The following ANOS1 variants were observed in gnomAD, a reference collection of about 807,000 sequenced individuals.
ANOS1 encodes anosmin-1.
In ANOS1, 6 loss-of-function variants were observed where a neutral mutation model predicts 59.0. That is an observed-to-expected ratio of 0.10 (90% CI 0.06 to 0.20). The LOEUF (loss-of-function observed/expected upper bound fraction) is 0.20. Among genes scored for constraint, ANOS1 ranks in the 10% least tolerant of loss-of-function variants. The pLI is 1.00. For missense variants in ANOS1, 433 were observed against 542.3 expected (o/e 0.80, Z 2.00); for synonymous variants, 217 against 223.4 (o/e 0.97, Z 0.25).
chrX:8,697,403 T>C (rs921959727), intron 2 of ANOS1, among the ~76,000 whole-genome samples: 1 of 111,370 alleles, frequency 9.0e-6, no homozygotes, highest in Non-Finnish European at 1.9e-5. Flanking sequence ...ATGCCACTTA[T>C]ATGTTTGAAG....
At chrX:8,668,306 C>T (rs1221032479) in intron 2 of ANOS1, among the ~76,000 whole-genome samples, 1 of 104,135 alleles carries the variant, frequency 9.6e-6, no homozygotes, top group Non-Finnish European at 2.0e-5. Flanking sequence ...TCCTGAGTTA[C>T]TTCACTTAGA....
At chrX:8,711,461 T>C (rs761975997) in intron 1 of ANOS1, among the ~76,000 whole-genome samples, 2 of 112,984 alleles carry the variant, frequency 1.8e-5, no homozygotes, top group African/African-American at 6.4e-5. Context: ...TCATCCACCA[T>C]GGGTGGTAAG....
intron 2 of ANOS1, among the ~76,000 whole-genome samples, chrX:8,636,293 C>T (rs2146854647): frequency 8.9e-6 from 1 of 111,734 alleles, no homozygotes; most frequent in African/African-American, 3.3e-5. Flanking sequence ...TCCTTTCTTC[C>T]TGTGCTAATG....
rs1016606239 is a variant in ANOS1, at chrX:8,545,992, G to T, written c.1355-6234C>A. ...AGGAGTTTGAAACCACTTTAGATGG[G>T]TCTATTGAGTTTCATACAGAGGAGA... On this transcript the variant is annotated intron_variant, in intron 9 of 13. Coordinates refer to ENST00000262648, the MANE Select transcript of ANOS1 (RefSeq NM_000216.4). Among the ~76,000 whole-genome samples the T allele has an allele frequency of 6.2e-5, 7 of 112,045 alleles. No homozygotes were observed. The Admixed American group carries it at 6.6e-4, about 11-fold the overall frequency.
intron 3 of ANOS1, among the ~76,000 whole-genome samples, chrX:8,600,855 A>G (rs1199826909): frequency 8.9e-6 from 1 of 112,398 alleles, no homozygotes; most frequent in Non-Finnish European, 1.9e-5. Context: ...AGTTACCAAA[A>G]TCATTGGCCA....
chrX:8,611,355 C>T (rs1365165735), intron 3 of ANOS1, among the ~76,000 whole-genome samples: 2 of 106,837 alleles, frequency 1.9e-5, no homozygotes, highest in Admixed American at 1.0e-4. Context: ...ACCCATGAGA[C>T]AAAATAAGCT....
At chrX:8,712,223 A>G (rs905389265) in intron 1 of ANOS1, among the ~76,000 whole-genome samples, 4 of 111,826 alleles carry the variant, frequency 3.6e-5, no homozygotes, top group African/African-American at 1.3e-4. Context: ...CAGCATTCCA[A>G]CCTTCACATC....
intron 1 of ANOS1, among the ~76,000 whole-genome samples, chrX:8,711,299 G>A (rs1932811042): frequency 8.9e-6 from 1 of 112,506 alleles, no homozygotes; most frequent in Non-Finnish European, 1.9e-5. Context: ...AGCAATTCAA[G>A]TTCAACAGTC....
intron 1 of ANOS1, among the ~76,000 whole-genome samples, chrX:8,720,757 AC>A (rs1259237354): frequency 1.8e-5 from 2 of 110,384 alleles, no homozygotes; most frequent in African/African-American, 3.3e-5. Context: ...AAAAACAAAA[AC>A]AAAAAACTTA....
chrX:8,704,599 A>C (rs1380852401), intron 1 of ANOS1, among the ~76,000 whole-genome samples: 3 of 112,634 alleles, frequency 2.7e-5, no homozygotes, highest in African/African-American at 9.7e-5. Flanking sequence ...TAATCACAAA[A>C]TGAAAAACTC....
chrX:8,686,773 G>A (rs183974779), intron 2 of ANOS1, among the ~76,000 whole-genome samples: 4,759 of 110,753 alleles, frequency 0.043, 268 homozygotes, highest in African/African-American at 0.15. Context: ...CCAACATAGC[G>A]AAACCCCCAC....
rs1400061647 is a variant in ANOS1 at position 8,531,617 on chromosome X, G to A, written c.*1378C>T. 1 of 111,245 alleles carries A rather than the reference G, an allele frequency of 9.0e-6. No homozygotes were observed. The highest frequency in any genetic ancestry group is 3.3e-5 in the African/African-American group (1 of 30,634). The allele number at this position is 111,245 out of a possible 1,213,427, so 9.2% of individuals were successfully genotyped here. A position where few individuals can be genotyped will look rare whatever the true frequency, so the allele number is the denominator to read the frequency against. On this transcript the variant is annotated 3_prime_UTR_variant, in exon 14 of 14. Transcript: ENST00000262648. The stretch of plus-strand genomic sequence containing the variant: ...AAGAGCTGTATCTTTACTCACCATT[G>A]GTGAGCTACGAAAACGATTTCTCCA...
chrX:8,597,262 T>C lies in ANOS1; in HGVS notation c.319-6A>G. The C allele has an allele frequency of 8.4e-7, 1 of 1,191,749 alleles. No homozygotes were observed. Among genetic ancestry groups the C allele is most frequent in the Non-Finnish European group, 1.1e-6 (1 of 878,920 alleles). ...CTCTTCTTGGGGAAGAGAGGCTAAG[T>C]CAAAGAAGAATTTTAAAAAATATTC... On this transcript the variant is annotated splice_region_variant and splice_polypyrimidine_tract_variant and intron_variant, in intron 3 of 13. Coordinates refer to ENST00000262648, the MANE Select transcript of ANOS1 (RefSeq NM_000216.4).
chrX:8,599,402 A>G (rs1355996460), intron 3 of ANOS1, among the ~76,000 whole-genome samples: 1 of 111,373 alleles, frequency 9.0e-6, no homozygotes, highest in Non-Finnish European at 1.9e-5. Context: ...TTGATGCTCC[A>G]CAGTGATCCC....
intron 2 of ANOS1, among the ~76,000 whole-genome samples, chrX:8,642,171 A>G (rs986962231): frequency 3.6e-5 from 4 of 112,243 alleles, no homozygotes; most frequent in Admixed American, 9.5e-5. Context: ...AATATTGTTT[A>G]GCAATGAAAA....
At chrX:8,554,542 G>GTTTTTTTTTTT (rs757605733) in intron 8 of ANOS1, among the ~76,000 whole-genome samples, 4 of 50,834 alleles carry the variant, frequency 7.9e-5, no homozygotes, top group African/African-American at 1.7e-4. Flanking sequence ...GGCTACAGGA[G>GTTTTTTTTTTT]TTTTTTTTTT....
intron 10 of ANOS1, among the ~76,000 whole-genome samples, chrX:8,537,500 CA>C (rs1929614811): frequency 8.9e-6 from 1 of 111,765 alleles, no homozygotes; most frequent in Non-Finnish European, 1.9e-5. Context: ...ATGATAATGT[CA>C]AAAGATGACA....
At chrX:8,624,296 G>A (rs1248479806) in intron 2 of ANOS1, among the ~76,000 whole-genome samples, 1 of 111,421 alleles carries the variant, frequency 9.0e-6, no homozygotes, top group African/African-American at 3.3e-5. Context: ...GATTACAGGC[G>A]TGAGCCACTG....
chrX:8,567,223 T>C (rs1421260398), intron 8 of ANOS1, among the ~76,000 whole-genome samples: 1 of 111,833 alleles, frequency 8.9e-6, no homozygotes, highest in Non-Finnish European at 1.9e-5. Flanking sequence ...CCAGCAAACA[T>C]ACTAACATAC....
Sources: allele counts gnomAD v4.1 joint callset (sites outside exome capture counted in the v4.1 genomes callset), GRCh38; gene constraint gnomAD v4.1.1; transcripts MANE v1.5; gene names NCBI Gene and HGNC (gene_info 2026-07-23, HGNC 2026-07-21).